Variants in WFDC11 observed in about 807,000 individuals in gnomAD.
WFDC11 encodes protein WFDC11.
In WFDC11, 9 loss-of-function variants were observed where a neutral mutation model predicts 9.9. The observed-to-expected ratio is 0.91, with a 90% CI of 0.55 to 1.58. The LOEUF (loss-of-function observed/expected upper bound fraction) is 1.58, where lower values mean the gene tolerates loss of function less well. Among genes scored for constraint, WFDC11 ranks in the 40% most tolerant of loss-of-function variants. The pLI is 0.00. For missense variants in WFDC11, 106 were observed against 101.7 expected, an observed-to-expected ratio of 1.04 and a Z score of -0.18; for synonymous variants, 32 against 33.3, an observed-to-expected ratio of 0.96 and a Z score of 0.13.
chr20:45,660,977 T>C (rs28869311), intron 2 of WFDC11, among the ~76,000 whole-genome samples: 38,837 of 151,842 alleles, frequency 0.26, 5,800 homozygotes, highest in East Asian at 0.54. Context: ...TTCTAGATCC[T>C]TGAGGAATCT....
chr20:45,661,775 A>G (rs1177751390), intron 2 of WFDC11, among the ~76,000 whole-genome samples: 3 of 151,980 alleles, frequency 2.0e-5, no homozygotes, highest in Non-Finnish European at 4.4e-5. Flanking sequence ...CCATTGATCT[A>G]TATCTCCGTT....
intron 2 of WFDC11, among the ~76,000 whole-genome samples, chr20:45,654,282 C>A (rs1330364970): frequency 6.6e-6 from 1 of 152,220 alleles, no homozygotes; most frequent in Non-Finnish European, 1.5e-5. Flanking sequence ...GAAACTCACT[C>A]AAAACCACTC....
intron 2 of WFDC11, among the ~76,000 whole-genome samples, chr20:45,654,925 TA>T (rs987863802): frequency 4.8e-4 from 73 of 152,166 alleles, no homozygotes; most frequent in African/African-American, 1.6e-3. Flanking sequence ...GGCTCTGAAA[TA>T]GAGGCAATAA....
intron 1 of WFDC11, among the ~76,000 whole-genome samples, chr20:45,668,313 G>T (rs1983227422): frequency 6.6e-6 from 1 of 152,162 alleles, no homozygotes; most frequent in African/African-American, 2.4e-5. Flanking sequence ...AGAGTTGTTT[G>T]GTTGGGATGA....
At chr20:45,667,965 C>G (rs1983220802) in intron 1 of WFDC11, among the ~76,000 whole-genome samples, 1 of 152,182 alleles carries the variant, frequency 6.6e-6, no homozygotes, top group Non-Finnish European at 1.5e-5. Flanking sequence ...CTCTCAGTGA[C>G]CCAGTGAGTT....
chr20:45,650,397 A>C, intron 3 of WFDC11, 104 bp downstream of exon 3: 1 of 849,938 alleles, frequency 1.2e-6, no homozygotes. Flanking sequence ...TGATACTACG[A>C]AGGTGGGTCC....
At chr20:45,650,458 C>A in intron 3 of WFDC11, 43 bp downstream of exon 3, 1 of 1,534,106 alleles carries the variant, frequency 6.5e-7, no homozygotes. Context: ...CAGAAACAAG[C>A]TCATCCCCCT....
At chr20:45,663,054 C>T (rs1358560233) in intron 2 of WFDC11, among the ~76,000 whole-genome samples, 1 of 152,182 alleles carries the variant, frequency 6.6e-6, no homozygotes, top group African/African-American at 2.4e-5. Context: ...TGGTCCTGGA[C>T]TTTTTTTGGT....
intron 1 of WFDC11, among the ~76,000 whole-genome samples, chr20:45,669,878 C>A (rs765825276): frequency 1.3e-5 from 2 of 152,038 alleles, no homozygotes; most frequent in South Asian, 2.1e-4. Flanking sequence ...TCCATGAAAC[C>A]AAAAGTTGGT....
At chr20:45,661,274 T>G (rs1190597635) in intron 2 of WFDC11, among the ~76,000 whole-genome samples, 1 of 152,186 alleles carries the variant, frequency 6.6e-6, no homozygotes, top group Non-Finnish European at 1.5e-5. Context: ...GTTTGTTTTT[T>G]TCTTGTAAAT....
At chr20:45,654,678 C>A (rs1045995841) in intron 2 of WFDC11, among the ~76,000 whole-genome samples, 24 of 152,152 alleles carry the variant, frequency 1.6e-4, no homozygotes, top group Non-Finnish European at 3.1e-4. Context: ...AACTGATAGA[C>A]TGCTAGCAAG....
intron 2 of WFDC11, among the ~76,000 whole-genome samples, chr20:45,656,480 A>G (rs894013249): frequency 6.6e-6 from 1 of 152,210 alleles, no homozygotes; most frequent in African/African-American, 2.4e-5. Context: ...AACCATAAAA[A>G]CCCTGGAAGA....
chr20:45,655,784 C>T (rs550639894), intron 2 of WFDC11, among the ~76,000 whole-genome samples: 1 of 152,170 alleles, frequency 6.6e-6, no homozygotes, highest in East Asian at 1.9e-4. Context: ...TCTTATACAC[C>T]AATAACAGAC....
intron 2 of WFDC11, among the ~76,000 whole-genome samples, chr20:45,665,984 A>C (rs1160256082): frequency 6.6e-6 from 1 of 152,198 alleles, no homozygotes; most frequent in Non-Finnish European, 1.5e-5. Context: ...TTAGGTCTGC[A>C]GGAGTTGTCT....
chr20:45,662,995 G>A (rs1983104592), intron 2 of WFDC11, among the ~76,000 whole-genome samples: 1 of 152,188 alleles, frequency 6.6e-6, no homozygotes, highest in South Asian at 2.1e-4. Context: ...AGAAGGAACG[G>A]TACCAGCTCC....
intron 2 of WFDC11, among the ~76,000 whole-genome samples, chr20:45,656,263 G>A (rs576752273): frequency 1.3e-5 from 2 of 152,016 alleles, no homozygotes; most frequent in Admixed American, 6.6e-5. Flanking sequence ...ACAGAACAGA[G>A]GGCTCAGAAA....
chr20:45,649,941 C>T (rs570062650), intron 3 of WFDC11, among the ~76,000 whole-genome samples: 2 of 152,062 alleles, frequency 1.3e-5, no homozygotes, highest in African/African-American at 4.8e-5. Flanking sequence ...TCTATTCACC[C>T]CATTTTCTCA....
chr20:45,655,742 A>G (rs546201512), intron 2 of WFDC11, among the ~76,000 whole-genome samples: 31 of 152,364 alleles, frequency 2.0e-4, no homozygotes, highest in African/African-American at 6.7e-4. Flanking sequence ...AAGTTTCAGA[A>G]TACAAAATCA....
chr20:45,657,729 T>G (rs893486919), intron 2 of WFDC11, among the ~76,000 whole-genome samples: 3 of 152,218 alleles, frequency 2.0e-5, no homozygotes, highest in Admixed American at 1.3e-4. Flanking sequence ...TTCTCTTTAA[T>G]GTTTTTTATT....
Sources: gnomAD v4.1 joint callset for allele counts (sites outside exome capture counted in the v4.1 genomes callset) on GRCh38, gnomAD v4.1.1 for gene constraint, MANE v1.5 for transcripts, NCBI Gene and HGNC (gene_info 2026-07-23, HGNC 2026-07-21) for gene names.